UBR1: variants seen among roughly 807,000 people sequenced by gnomAD.
The protein encoded by UBR1 is ubiquitin protein ligase E3 component n-recognin 1, also known as E3 ubiquitin-protein ligase UBR1.
Under a neutral mutation model 242.1 loss-of-function variants are expected in UBR1, and 102 were observed. The observed-to-expected ratio is 0.42, with a 90% CI of 0.36 to 0.50. The LOEUF (loss-of-function observed/expected upper bound fraction) is 0.50, where lower values mean the gene tolerates loss of function less well. Ranked by LOEUF, UBR1 falls within the 20% of genes least tolerant of loss-of-function variation. The probability of loss-of-function intolerance (pLI) is 0.01; values close to 1 mark genes in which losing one functional copy is unlikely to be tolerated. For missense variants in UBR1, 1,772 were observed against 2,101.8 expected (o/e 0.84, Z 3.07); for synonymous variants, 675 against 684.8 (o/e 0.99, Z 0.22).
At chr15:43,041,051 T>C (rs2033411388) in intron 15 of UBR1, among the ~76,000 whole-genome samples, 1 of 152,204 alleles carries the variant, frequency 6.6e-6, no homozygotes, top group Admixed American at 6.5e-5. Context: ...CTCAAGGATC[T>C]AGAACTAGAA....
At chr15:43,075,904 C>A (rs1416703652) in intron 3 of UBR1, among the ~76,000 whole-genome samples, 1 of 151,738 alleles carries the variant, frequency 6.6e-6, no homozygotes, top group Non-Finnish European at 1.5e-5. Flanking sequence ...CATAAGCCAC[C>A]ATGCCCAACC....
intron 33 of UBR1, among the ~76,000 whole-genome samples, chr15:42,994,987 G>C (rs886359732): frequency 1.3e-5 from 2 of 152,114 alleles, no homozygotes; most frequent in African/African-American, 2.4e-5. Context: ...TATTTCAATA[G>C]TTTTTCCTTA....
At chr15:43,033,007 C>T (rs1055154714) in intron 19 of UBR1, among the ~76,000 whole-genome samples, 7 of 152,272 alleles carry the variant, frequency 4.6e-5, no homozygotes, top group African/African-American at 1.7e-4. Flanking sequence ...TTCTCTAACA[C>T]GCCCCTCATT....
chr15:42,945,839 A>C (rs1567103882), intron 46 of UBR1, among the ~76,000 whole-genome samples: 1 of 152,214 alleles, frequency 6.6e-6, no homozygotes, highest in Non-Finnish European at 1.5e-5. Flanking sequence ...TGATCTTTGC[A>C]CAGTAGAGGT....
At chr15:43,080,363 T>A (rs2033962028) in intron 3 of UBR1, among the ~76,000 whole-genome samples, 2 of 152,200 alleles carry the variant, frequency 1.3e-5, no homozygotes, top group Non-Finnish European at 2.9e-5. Flanking sequence ...ATCATTCCCT[T>A]CCACCATCAT....
intron 21 of UBR1, among the ~76,000 whole-genome samples, 199 bp from the exon 22 acceptor site, chr15:43,028,027 T>C (rs2033199594): frequency 6.6e-6 from 1 of 152,212 alleles, no homozygotes; most frequent in Non-Finnish European, 1.5e-5. Flanking sequence ...GTAAGATGTA[T>C]ATATAAACTG....
intron 29 of UBR1, among the ~76,000 whole-genome samples, chr15:43,009,538 C>T (rs954035277): frequency 1.3e-5 from 2 of 152,216 alleles, no homozygotes; most frequent in African/African-American, 4.8e-5. Flanking sequence ...CCAGAAAGAC[C>T]AAGCAAAATT....
intron 33 of UBR1, among the ~76,000 whole-genome samples, chr15:42,993,928 C>T (rs983973254): frequency 2.6e-5 from 4 of 151,932 alleles, no homozygotes; most frequent in Non-Finnish European, 5.9e-5. Flanking sequence ...TTAGAATAAA[C>T]CCAATCTGAG....
At chr15:43,068,417 G>A (rs2033782745) in intron 5 of UBR1, among the ~76,000 whole-genome samples, 1 of 151,836 alleles carries the variant, frequency 6.6e-6, no homozygotes, top group African/African-American at 2.4e-5. Flanking sequence ...AAACTCCTGA[G>A]CTCAAGCAAT....
intron 13 of UBR1, 58 bp from the exon 14 acceptor site, chr15:43,047,347 C>T: frequency 4.3e-6 from 7 of 1,612,230 alleles, no homozygotes; most frequent in Non-Finnish European, 5.9e-6. Context: ...TTGCTCTGCT[C>T]TTGGCAAAAT....
At chr15:42,977,993 G>A in intron 37 of UBR1, 46 bp from the exon 38 acceptor site, 1 of 1,507,136 alleles carries the variant, frequency 6.6e-7, no homozygotes, top group Non-Finnish European at 9.2e-7. Flanking sequence ...TAAGATAGCA[G>A]TGTAGGTAAA....
chr15:42,975,802 C>A (rs1161341343), intron 39 of UBR1, among the ~76,000 whole-genome samples: 1 of 152,086 alleles, frequency 6.6e-6, no homozygotes, highest in African/African-American at 2.4e-5. Flanking sequence ...CAGCCTCAAA[C>A]TCCTGGGCTC....
chr15:43,068,028 T>C lies in UBR1; in HGVS notation c.668A>G (p.Asn223Ser), dbSNP rs1283759042. The C allele has an allele frequency of 6.2e-7, 1 of 1,606,034 alleles. No homozygotes were observed. The highest frequency in any genetic ancestry group is 1.7e-5 in the Admixed American group (1 of 59,676). Residue 223 changes from asparagine to serine, a missense_variant, in exon 6 of 47, where the codon AAT (asparagine) becomes AGT (serine). Asn to Ser is a conservative substitution (Grantham distance 46). Coordinates refer to ENST00000290650, the MANE Select transcript of UBR1 (RefSeq NM_174916.3). ...GAAAAGGACACAATAGTATCTTTCA[T>C]TTTTCTCCCTGTTAGAAAAAAAACA... ...LPPELQIREK[N>S]ERYYCVLFND...
chr15:42,954,482 G>T (rs2141251043), intron 44 of UBR1, among the ~76,000 whole-genome samples: 1 of 152,202 alleles, frequency 6.6e-6, no homozygotes, highest in Non-Finnish European at 1.5e-5. Flanking sequence ...TTAAAACAAT[G>T]GTTATAACTA....
Position 42,950,270 on chromosome 15 carries a change from A to G in UBR1, c.5100T>C (p.Pro1700=), listed in dbSNP as rs776965089. Residue 1700 remains proline (P), a synonymous_variant, in exon 46 of 47, where the codon CCT becomes CCC. Coordinates refer to ENST00000290650, the MANE Select transcript of UBR1 (RefSeq NM_174916.3). The part of the protein sequence containing the change: ...PYLDEYGETD[P]GLKRGNPLHL... Reference sequence around the variant, plus strand: ...TATAAAAAAAATCTTACTTCAGGCCAGGGTCTGTTTCTCCATATTCATCCA... The same window carrying G: ...TATAAAAAAAATCTTACTTCAGGCCGGGGTCTGTTTCTCCATATTCATCCA... The G allele has an allele frequency of 4.3e-6, 7 of 1,614,182 alleles. No individual in the cohort carries two copies. In the East Asian group the frequency reaches 1.3e-4, roughly 31 times the overall value.
rs79319997 is a variant in UBR1, at chr15:42,967,667, C to T, written c.4458-1381G>A. 8.6e-3 allele frequency among the ~76,000 whole-genome samples: 1,302 copies of T among 151,770 alleles called. 20 individuals carry two copies. Among genetic ancestry groups the T allele is most frequent in the African/African-American group, 0.03 (1,232 of 41,434 alleles). Reference sequence around the variant, plus strand: ...GGTTAGTCAATTGTAACAAATGGTACCTCCCTAATGCAAGGTATTAATAAT... The same window carrying T: ...GGTTAGTCAATTGTAACAAATGGTATCTCCCTAATGCAAGGTATTAATAAT... On this transcript the variant is annotated intron_variant, in intron 40 of 46. Transcript: ENST00000290650.
intron 1 of UBR1, among the ~76,000 whole-genome samples, chr15:43,096,201 T>C (rs2034158062): frequency 6.7e-6 from 1 of 148,794 alleles, no homozygotes; most frequent in African/African-American, 2.5e-5. Flanking sequence ...TGAGACAGAG[T>C]CTCACTCTAT....
chr15:43,010,166 C>T (rs1446006220), intron 29 of UBR1, among the ~76,000 whole-genome samples: 2 of 152,200 alleles, frequency 1.3e-5, no homozygotes, highest in Admixed American at 6.5e-5. Flanking sequence ...GCCACTGCGC[C>T]CGCCCTACTC....
chr15:42,960,132 T>G (rs550575683), intron 43 of UBR1, among the ~76,000 whole-genome samples: 154 of 152,148 alleles, frequency 1.0e-3, no homozygotes, highest in African/African-American at 3.5e-3. Context: ...ATGGAGGAGG[T>G]GGCATTTAAA....
Sources: gnomAD v4.1 joint callset for allele counts (sites outside exome capture counted in the v4.1 genomes callset) on GRCh38, gnomAD v4.1.1 for gene constraint, MANE v1.5 for transcripts, NCBI Gene and HGNC (gene_info 2026-07-23, HGNC 2026-07-21) for gene names.